EMSY: variants seen among roughly 807,000 people sequenced by gnomAD.
The protein encoded by EMSY is EMSY transcriptional repressor, BRCA2 interacting, also known as BRCA2-interacting transcriptional repressor EMSY.
A neutral mutation model predicts 134.6 loss-of-function variants in EMSY; 26 were observed. That is an observed-to-expected ratio of 0.19 (90% CI 0.14 to 0.27). The LOEUF is 0.27. Ranked by LOEUF, EMSY falls within the 10% of genes least tolerant of loss-of-function variation. EMSY has a pLI of 1.00. For synonymous variants in EMSY, 579 were observed against 577.8 expected (o/e 1.00, Z -0.03); for missense variants, 1,305 against 1,611.4 (o/e 0.81, Z 3.26).
chr11:76,517,409 G>A, intron 11 of EMSY, among the ~76,000 whole-genome samples: 1 of 152,092 alleles, frequency 6.6e-6, no homozygotes. Context: ...AACTTAAATT[G>A]TAATTTATTA....
At chr11:76,533,074 A>T (rs569494935) in intron 14 of EMSY, among the ~76,000 whole-genome samples, 1 of 152,322 alleles carries the variant, frequency 6.6e-6, no homozygotes, top group Non-Finnish European at 1.5e-5. Flanking sequence ...CTGTCTAGGC[A>T]ATTAAATACT....
chr11:76,537,702 C>A, intron 15 of EMSY, 93 bp from the exon 17 acceptor site: 2 of 1,163,846 alleles, frequency 1.7e-6, no homozygotes, highest in Non-Finnish European at 2.4e-6. Context: ...AGTGTGGCAC[C>A]CCAGAGGTCT....
At chr11:76,515,400 A>C (rs1314298637) in intron 10 of EMSY, among the ~76,000 whole-genome samples, 1 of 152,134 alleles carries the variant, frequency 6.6e-6, no homozygotes, top group Admixed American at 6.6e-5. Context: ...CAACAGACTC[A>C]TGTAGTTAGC....
At chr11:76,519,065 CT>C (rs149817617) in intron 11 of EMSY, among the ~76,000 whole-genome samples, 2,619 of 136,328 alleles carry the variant, frequency 0.019, 36 homozygotes, top group East Asian at 0.09. Flanking sequence ...TGATTCATAT[CT>C]TTTTTTTTTT....
At chr11:76,523,241 A>T in exon 12 of EMSY, 1 of 1,613,884 alleles carries the variant, frequency 6.2e-7, no homozygotes, top group Non-Finnish European at 8.5e-7. Flanking sequence ...AGGAACGACC[A>T]TTCAAGGCCT....
intron 3 of EMSY, 146 bp from the exon 4 acceptor site, chr11:76,453,166 GAT>G: frequency 3.8e-6 from 2 of 532,696 alleles, no homozygotes; most frequent in Admixed American, 3.5e-5. Flanking sequence ...AGCATTTGAA[GAT>G]ATATATATTA....
chr11:76,547,819 C>T (rs1046565945), intron 20 of EMSY, among the ~76,000 whole-genome samples: 2 of 152,186 alleles, frequency 1.3e-5, no homozygotes, highest in Admixed American at 6.5e-5. Flanking sequence ...TAATTTGCTT[C>T]ATGTATCAAG....
Position 76,447,156 on chromosome 11 carries a change from C to T in EMSY, c.70+148C>T, listed in dbSNP as rs1404476886. 4 of 692,556 alleles carry T rather than the reference C, an allele frequency of 5.8e-6. No homozygotes were observed. In the African/African-American group the frequency reaches 7.3e-5, roughly 13 times the overall value. The allele number at this position is 692,556 out of a possible 1,614,324, so 42.9% of individuals were successfully genotyped here. Reference sequence around the variant, plus strand: ...GTTCCCATCTTACTCATTGTTGTTTCCCTCAGTGCCTAACATAGTGCTTTG... The same window carrying T: ...GTTCCCATCTTACTCATTGTTGTTTTCCTCAGTGCCTAACATAGTGCTTTG... On this transcript the variant is annotated intron_variant, in intron 2 of 20. Transcript: ENST00000334736.
intron 14 of EMSY, among the ~76,000 whole-genome samples, 191 bp downstream of exon 15, chr11:76,528,657 A>G (rs1043198851): frequency 2.1e-5 from 3 of 144,416 alleles, no homozygotes; most frequent in Admixed American, 7.0e-5. Flanking sequence ...AAAGGTTACC[A>G]TTCTTTCCTG....
At chr11:76,477,432 C>G (rs1037001174) in intron 8 of EMSY, among the ~76,000 whole-genome samples, 3 of 151,840 alleles carry the variant, frequency 2.0e-5, no homozygotes, top group African/African-American at 7.2e-5. Flanking sequence ...CTCCAACAGT[C>G]TGTTCTGTCC....
chr11:76,459,897 GA>G, intron 5 of EMSY, 35 bp from the exon 7 acceptor site: 1 of 1,604,746 alleles, frequency 6.2e-7, no homozygotes, highest in Non-Finnish European at 8.5e-7. Context: ...CAGTTTTGGT[GA>G]AAGTTAACAG....
chr11:76,530,616 TTAAAA>T (rs1202013104), intron 14 of EMSY, among the ~76,000 whole-genome samples: 1 of 152,206 alleles, frequency 6.6e-6, no homozygotes, highest in Non-Finnish European at 1.5e-5. Flanking sequence ...ATATTACTTT[TTAAAA>T]TATTCTATAA....
At chr11:76,550,228 G>C in exon 21 of EMSY, 1 of 1,218,814 alleles carries the variant, frequency 8.2e-7, no homozygotes, top group East Asian at 2.9e-5. Context: ...TGACTAAAAA[G>C]AGCACTTTGC....
At chr11:76,545,439 ATCT>A (rs563814716) in intron 19 of EMSY, among the ~76,000 whole-genome samples, 9 of 152,278 alleles carry the variant, frequency 5.9e-5, no homozygotes, top group East Asian at 1.9e-4. Context: ...ATTGGAAAAA[ATCT>A]TCTTTTTATT....
At chr11:76,460,335 C>CCTG in intron 6 of EMSY, 1 of 337,598 alleles carries the variant, frequency 3.0e-6, no homozygotes, top group South Asian at 9.9e-5. Context: ...CTGTGTTATC[C>CCTG]TTAAGAATTC....
chr11:76,488,458 C>A (rs976781830), intron 8 of EMSY, among the ~76,000 whole-genome samples: 1 of 151,880 alleles, frequency 6.6e-6, no homozygotes, highest in African/African-American at 2.4e-5. Context: ...TAAAAGAAGA[C>A]TGTCTCAAAA....
chr11:76,512,923 T>C (rs763204171), intron 9 of EMSY, among the ~76,000 whole-genome samples: 3 of 152,148 alleles, frequency 2.0e-5, no homozygotes, highest in East Asian at 1.9e-4. Flanking sequence ...AAAAATGTTC[T>C]TTGTCTTTAT....
Position 76,527,777 on chromosome 11 carries a change from G to GA in EMSY, c.1996-480dup, listed in dbSNP as rs552943632. ...TTAGGAATTTGATTTAGTTTCTAATGAAAAAAAAAAAGAAAAGAAAAAAAA... is the reference window on the plus strand; with the variant it reads ...TTAGGAATTTGATTTAGTTTCTAATGAAAAAAAAAAAAGAAAAGAAAAAAAA... On this transcript the variant is annotated intron_variant, in intron 13 of 20. Transcript: ENST00000334736. Among the ~76,000 whole-genome samples, 635 of 136,508 alleles carry GA rather than the reference G, an allele frequency of 4.7e-3. 5 individuals carry two copies. Among genetic ancestry groups the GA allele is most frequent in the South Asian group, 0.038 (165 of 4,366 alleles). The allele number at this position is 136,508 out of a possible 152,430, so 89.6% of individuals were successfully genotyped here. A position where few individuals can be genotyped will look rare whatever the true frequency, so the allele number is the denominator to read the frequency against.
chr11:76,499,285 T>TC (rs1949766634), intron 9 of EMSY, among the ~76,000 whole-genome samples: 1 of 124,688 alleles, frequency 8.0e-6, no homozygotes, highest in East Asian at 2.2e-4. Flanking sequence ...CTTTTTTTTT[T>TC]TTTTTTTTTT....
Sources: allele counts gnomAD v4.1 joint callset (sites outside exome capture counted in the v4.1 genomes callset), GRCh38; gene constraint gnomAD v4.1.1; transcripts MANE v1.5; gene names NCBI Gene and HGNC (gene_info 2026-07-23, HGNC 2026-07-21).